Variants in HELLS observed in about 807,000 individuals in gnomAD.
HELLS encodes the protein helicase, lymphoid specific, also known as lymphoid-specific helicase.
HELLS carries 32 observed loss-of-function variants against 120.0 expected under a neutral mutation model. The ratio of observed to expected loss-of-function variants is 0.27; its 90% CI spans 0.20 to 0.36. HELLS has a LOEUF of 0.36. Ranked by LOEUF, HELLS falls within the 10% of genes least tolerant of loss-of-function variation. HELLS has a pLI of 1.00. For missense variants in HELLS, 650 were observed against 993.4 expected (o/e 0.65, Z 4.65); for synonymous variants, 341 against 323.4 (o/e 1.05, Z -0.58).
chr10:94,546,378 C>A lies in HELLS; in HGVS notation c.33C>A (p.Gly11=), dbSNP rs757930065. 1.2e-5 allele frequency: 20 copies of A among 1,614,020 alleles called. No homozygotes were observed. Among genetic ancestry groups the A allele is most frequent in the Non-Finnish European group, 1.6e-5 (19 of 1,180,034 alleles). The change falls in exon 2 of 22, where the codon GGC becomes GGA. Residue 11 remains glycine (G), a splice_region_variant and synonymous_variant. Transcript: ENST00000348459. Reference sequence around the variant, plus strand: ...TTTGAAAGCTTTCTCCCCCGTCAGGCTCGGAGGCTCCAGCAATGGTTGAAC... The same window carrying A: ...TTTGAAAGCTTTCTCCCCCGTCAGGATCGGAGGCTCCAGCAATGGTTGAAC... MPAERPAGSG[G]SEAPAMVEQL... is the part of the protein sequence containing the mutation.
At chr10:94,578,214 A>G (rs1261252201) in intron 10 of HELLS, among the ~76,000 whole-genome samples, 2 of 152,074 alleles carry the variant, frequency 1.3e-5, no homozygotes, top group Non-Finnish European at 2.9e-5. Context: ...AGCCTGTGCT[A>G]CAGTGAGAGT....
intron 7 of HELLS, among the ~76,000 whole-genome samples, chr10:94,572,387 C>G (rs1226424827): frequency 6.6e-6 from 1 of 152,176 alleles, no homozygotes; most frequent in African/African-American, 2.4e-5. Flanking sequence ...AAAGGGATCT[C>G]TTCTATGTCT....
chr10:94,566,204 A>G (rs1055086455), intron 6 of HELLS, among the ~76,000 whole-genome samples: 1 of 152,112 alleles, frequency 6.6e-6, no homozygotes, highest in Non-Finnish European at 1.5e-5. Context: ...TTTATACACC[A>G]TATTAGAGGG....
At chr10:94,546,288 C>T in intron 1 of HELLS, 89 bp from the exon 2 acceptor site, 1 of 1,526,226 alleles carries the variant, frequency 6.6e-7, no homozygotes, top group South Asian at 1.1e-5. Flanking sequence ...TCCAGTGCAT[C>T]TCGGGTGGGA....
At position 94,546,514 on chromosome 10, in the gene HELLS, G is replaced by T; in HGVS notation, c.153+16G>T. On this transcript the variant is annotated intron_variant, in intron 2 of 21. Coordinates refer to ENST00000348459, the MANE Select transcript of HELLS (RefSeq NM_018063.5). ...GCTGGAAAAGGTAATTTAGGCATCA[G>T]GTTCGTCGTCGTGAAAGCCTGTGGT... 1 of 1,613,758 alleles carries T rather than the reference G, an allele frequency of 6.2e-7. No individual in the cohort carries two copies. The highest frequency in any genetic ancestry group is 1.1e-5 in the South Asian group (1 of 91,068).
At chr10:94,589,519 A>G (rs1306442950) in intron 13 of HELLS, among the ~76,000 whole-genome samples, 1 of 151,890 alleles carries the variant, frequency 6.6e-6, no homozygotes, top group African/African-American at 2.4e-5. Flanking sequence ...TATAGGAGAT[A>G]GAGGTGGGAT....
At chr10:94,605,081 C>CT (rs1292771088), downstream of HELLS, among the ~76,000 whole-genome samples, 1 of 131,952 alleles carries the variant, frequency 7.6e-6, no homozygotes, top group African/African-American at 2.9e-5. Context: ...CTCCCCCCCC[C>CT]CCCCTTTTTT....
At chr10:94,588,709 C>T (rs1357532991) in intron 13 of HELLS, among the ~76,000 whole-genome samples, 1 of 152,122 alleles carries the variant, frequency 6.6e-6, no homozygotes, top group African/African-American at 2.4e-5. Flanking sequence ...TCCCCTTGTT[C>T]ATTTTTAGGA....
intron 12 of HELLS, among the ~76,000 whole-genome samples, chr10:94,584,893 T>TA (rs1845045483): frequency 6.6e-6 from 1 of 152,150 alleles, no homozygotes; most frequent in African/African-American, 2.4e-5. Flanking sequence ...TTCTCTGTAA[T>TA]ACTGTGCTTA....
At chr10:94,551,736 A>G (rs1842985988) in intron 2 of HELLS, among the ~76,000 whole-genome samples, 1 of 150,074 alleles carries the variant, frequency 6.7e-6, no homozygotes, top group African/African-American at 2.5e-5. Flanking sequence ...TCATACCCCC[A>G]TTTCTTTTCT....
At chr10:94,580,544 G>A (rs1466747741) in intron 10 of HELLS, among the ~76,000 whole-genome samples, 1 of 151,894 alleles carries the variant, frequency 6.6e-6, no homozygotes, top group African/African-American at 2.4e-5. Flanking sequence ...AGATAATTCA[G>A]GTTTTTTGGT....
In HELLS at chr10:94,590,748, C is replaced by A; in HGVS notation, c.1739C>A (p.Pro580His). 1 of 1,557,616 alleles carries A rather than the reference C, an allele frequency of 6.4e-7. No individual in the cohort carries two copies. Among genetic ancestry groups the A allele is most frequent in the Non-Finnish European group, 8.8e-7 (1 of 1,136,838 alleles). Residue 580 changes from proline to histidine, a missense_variant, in exon 15 of 22, where the codon CCT (proline) becomes CAT (histidine). Physicochemically the swap from Pro to His is moderately conservative, Grantham distance 77. Around this residue, in one of 9 missense-constraint regions of HELLS, gnomAD observed 191 missense variants for 259.7 expected, o/e 0.74. Coordinates refer to ENST00000348459, the MANE Select transcript of HELLS (RefSeq NM_018063.5). ...CCNHPYLIEY[P>H]IDPVTQEFKI... ...AATCATCCATATTTGATTGAATATC[C>A]TATAGACCCTGTTACACAAGAATTT... is the stretch of plus-strand genomic sequence containing the variant.
At chr10:94,608,945 C>G (rs1422481474) in intron 9 of HELLS, among the ~76,000 whole-genome samples, 1 of 146,018 alleles carries the variant, frequency 6.8e-6, no homozygotes, top group Non-Finnish European at 1.5e-5. Flanking sequence ...CCACAATTTT[C>G]TTTCAGTACA....
chr10:94,557,690 G>C (rs1020920575), intron 3 of HELLS, among the ~76,000 whole-genome samples: 2 of 152,202 alleles, frequency 1.3e-5, no homozygotes, highest in African/African-American at 4.8e-5. Flanking sequence ...GATAACAGCT[G>C]CCTTTGTGCA....
At position 94,590,433 on chromosome 10, in the gene HELLS, T is replaced by C; in HGVS notation, c.1509T>C (p.Ser503=). Residue 503 remains serine, a synonymous_variant, in exon 14 of 22, where the codon AGT becomes AGC. Coordinates refer to ENST00000348459, the MANE Select transcript of HELLS (RefSeq NM_018063.5). ...TTTAGAAAGAAACAATTGAGTTAAG[T>C]CCTACTGGTCGACCAAAACGACGAA... ...GSSEKETIEL[S]PTGRPKRRTR... is the part of the protein sequence containing the mutation. 2 of 1,607,966 alleles carry C rather than the reference T, an allele frequency of 1.2e-6. No homozygotes were observed. Among genetic ancestry groups the C allele is most frequent in the Admixed American group, 3.5e-5 (2 of 57,908 alleles).
intron 9 of HELLS, among the ~76,000 whole-genome samples, chr10:94,575,130 GTC>G (rs1179692222): frequency 2.9e-5 from 4 of 136,188 alleles, no homozygotes; most frequent in African/African-American, 1.1e-4. Context: ...TTGAAATGGA[GTC>G]TCTGTTACCC....
At chr10:94,553,973 ATTT>A (rs61547368) in intron 2 of HELLS, among the ~76,000 whole-genome samples, 150 bp from the exon 3 acceptor site, 1 of 150,062 alleles carries the variant, frequency 6.7e-6, no homozygotes, top group African/African-American at 2.4e-5. Context: ...CCCAAAAACT[ATTT>A]TTTTTTTAAC....
At chr10:94,596,055 A>T (rs11188041) in intron 19 of HELLS, among the ~76,000 whole-genome samples, 55,924 of 152,018 alleles carry the variant, frequency 0.37, 10,828 homozygotes, top group East Asian at 0.68. Context: ...ACCTGGACTC[A>T]AGTGATCCTC....
Position 94,601,456 on chromosome 10 carries a change from A to G in HELLS, c.2423-72A>G. On this transcript the variant is annotated intron_variant, in intron 21 of 21. Coordinates refer to ENST00000348459, the MANE Select transcript of HELLS (RefSeq NM_018063.5). ...GATGACTCACTTCTCATAACATCAT[A>G]TTGGATGTTTCTTTTACGATTTCTT... The G allele has an allele frequency of 1.3e-5, 11 of 822,908 alleles. 1 individual carries two copies. In the South Asian group the frequency reaches 1.5e-4, roughly 11 times the overall value. The allele number at this position is 822,908 out of a possible 1,614,324, so 51.0% of individuals were successfully genotyped here.
Sources: gnomAD v4.1 joint callset for allele counts (sites outside exome capture counted in the v4.1 genomes callset) on GRCh38, gnomAD v4.1.1 for gene constraint, gnomAD v4.1.1 regional missense constraint, MANE v1.5 for transcripts, NCBI Gene and HGNC (gene_info 2026-07-23, HGNC 2026-07-21) for gene names.